PES1: variants seen among roughly 807,000 people sequenced by gnomAD.
The protein encoded by PES1 is pescadillo homolog.
A neutral mutation model predicts 77.1 loss-of-function variants in PES1; 31 were observed. That is an observed-to-expected ratio of 0.40 (90% CI 0.30 to 0.54). PES1 has a LOEUF of 0.54. Ranked by LOEUF, PES1 falls within the 20% of genes least tolerant of loss-of-function variation. The pLI, the probability that PES1 is intolerant of heterozygous loss-of-function variation, is 0.45. For synonymous variants in PES1, 282 were observed against 303.0 expected (o/e 0.93, Z 0.72); for missense variants, 658 against 771.7 (o/e 0.85, Z 1.75).
Position 30,579,914 on chromosome 22 carries a change from C to G in PES1, c.1191G>C (p.Trp397Cys), listed in dbSNP as rs1267668640. Residue 397 changes from tryptophan to cysteine, a missense_variant, in exon 12 of 15, where the codon TGG (tryptophan) becomes TGC (cysteine). Transcript: ENST00000354694. Reference protein sequence around the residue: ...VIGRCYVQPQWVFDSVNARLL... With the variant: ...VIGRCYVQPQCVFDSVNARLL... ...GCCTGGCGTTCACTGAGTCAAACAC[C>G]CACTGGGGCTGCACGTAGCACCTGG... 1 of 1,613,970 alleles carries G rather than the reference C, an allele frequency of 6.2e-7. No individual in the cohort carries two copies. The highest frequency in any genetic ancestry group is 2.2e-5 in the East Asian group (1 of 44,888).
intron 2 of PES1, among the ~76,000 whole-genome samples, chr22:30,597,552 A>G (rs370938876): frequency 7.1e-6 from 1 of 141,648 alleles, no homozygotes; most frequent in Non-Finnish European, 1.5e-5. Flanking sequence ...ACACCAATCG[A>G]CACTCTATAT....
intron 4 of PES1, among the ~76,000 whole-genome samples, chr22:30,585,531 C>A (rs1457479807): frequency 6.6e-6 from 1 of 152,112 alleles, no homozygotes; most frequent in Non-Finnish European, 1.5e-5. Flanking sequence ...ACAGACAGAG[C>A]TTCAAGCCTC....
upstream of PES1, among the ~76,000 whole-genome samples, chr22:30,594,757 C>T (rs112032147): frequency 0.03 from 4,605 of 151,834 alleles, 111 homozygotes; most frequent in Non-Finnish European, 0.052. Flanking sequence ...TCACTTGAGC[C>T]CAGGAGTTTG....
chr22:30,597,977 G>A (rs893255229), intron 2 of PES1, among the ~76,000 whole-genome samples: 7 of 148,524 alleles, frequency 4.7e-5, no homozygotes, highest in East Asian at 2.0e-4. Flanking sequence ...TCCGCTTCCC[G>A]GGTTCACGCC....
intron 6 of PES1, among the ~76,000 whole-genome samples, chr22:30,582,588 G>A (rs1398550177): frequency 6.6e-6 from 1 of 152,140 alleles, no homozygotes; most frequent in Non-Finnish European, 1.5e-5. Context: ...CAGCCCATTT[G>A]GCCCCCAGGA....
At chr22:30,587,183 T>C (rs1233373299) in intron 4 of PES1, 103 bp downstream of exon 4, 2 of 839,646 alleles carry the variant, frequency 2.4e-6, no homozygotes, top group Non-Finnish European at 3.9e-6. Flanking sequence ...TGCAAGCTCT[T>C]TGAGCAGGGT....
rs767438127 is a variant in PES1 at position 30,581,640 on chromosome 22, G to C, written c.635C>G (p.Pro212Arg). The C allele has an allele frequency of 5.0e-6, 8 of 1,608,206 alleles. No individual in the cohort carries two copies. The highest frequency in any genetic ancestry group is 2.2e-5 in the East Asian group (1 of 44,828). ...CATGACCCTGTAGTCCACGTCTGTC[G>C]GGTGCTGGGGAACACAAGAGATGCA... is the stretch of plus-strand genomic sequence containing the variant. ...ITPYAFSHDH[P>R]TDVDYRVMAT... Residue 212 changes from proline (P) to arginine (R), a missense_variant, in exon 7 of 15, where the codon CCG becomes CGG. Physicochemically the swap from Pro to Arg is moderately radical, Grantham distance 103. Transcript: ENST00000354694.
chr22:30,581,308 C>T (rs772204652), intron 8 of PES1, 26 bp downstream of exon 8: 53 of 1,609,166 alleles, frequency 3.3e-5, no homozygotes, highest in Non-Finnish European at 4.4e-5. Flanking sequence ...TGGGAGATGC[C>T]GGATGATGCT....
chr22:30,577,499 A>G (rs1008817681), intron 14 of PES1, among the ~76,000 whole-genome samples: 8 of 152,172 alleles, frequency 5.3e-5, no homozygotes, highest in Non-Finnish European at 8.8e-5. Flanking sequence ...ATCTGACAAT[A>G]TATTTTTAAT....
upstream of PES1, among the ~76,000 whole-genome samples, chr22:30,594,404 C>A (rs1339311431): frequency 1.3e-5 from 2 of 151,938 alleles, no homozygotes; most frequent in Non-Finnish European, 2.9e-5. Context: ...CCTGTAATCC[C>A]AGCTACCAGC....
rs2087281910 is a variant in PES1, at chr22:30,597,872, T to G, written c.-660-5474A>C. Among the ~76,000 whole-genome samples, 5 of 143,942 alleles carry G rather than the reference T, an allele frequency of 3.5e-5. No homozygotes were observed. In the South Asian group the frequency reaches 8.6e-4, roughly 25 times the overall value. The allele number at this position is 143,942 out of a possible 152,430, so 94.4% of individuals were successfully genotyped here. Reference sequence around the variant, plus strand: ...CTCGCTCGGTTTTTTTTCCACGCAGTTGAAGTTTTGTTTTTTTTTTTTTTG... The same window carrying G: ...CTCGCTCGGTTTTTTTTCCACGCAGGTGAAGTTTTGTTTTTTTTTTTTTTG... On this transcript the variant is annotated intron_variant, in intron 2 of 16. Transcript: ENST00000402281.
chr22:30,597,893 TTTTG>T lies in PES1; in HGVS notation c.-660-5499_-660-5496del, dbSNP rs1569031114. On this transcript the variant is annotated intron_variant, in intron 2 of 16. Coordinates refer to the PES1 transcript ENST00000402281. ...GCAGTTGAAGTTTTGTTTTTTTTTT[TTTTG>T]TTTTGAGTCGGAGTCTCACTCTGTC... is the stretch of plus-strand genomic sequence containing the variant. 1.1e-4 allele frequency among the ~76,000 whole-genome samples: 16 copies of T among 145,416 alleles called. 3 individuals carry two copies. Among genetic ancestry groups the T allele is most frequent in the Admixed American group, 2.7e-4 (4 of 14,638 alleles).
At position 30,579,262 on chromosome 22, in the gene PES1, T is replaced by C. The variant is rs2086946177; in HGVS notation, c.1396A>G (p.Asn466Asp). ...ESEEEEEEDD[N>D]NEGDGDEEGE... ...TCTTCATCACCATCACCTTCGTTGT[T>C]GTCGTCCTCTTCCTCCTCCTCTTCT... is the stretch of plus-strand genomic sequence containing the variant. The change falls in exon 13 of 15, where the codon AAC becomes GAC. Residue 466 changes from asparagine (N) to aspartate (D), a missense_variant. By Grantham distance (23) the Asn-to-Asp change is conservative. Coordinates refer to ENST00000354694, the MANE Select transcript of PES1 (RefSeq NM_014303.4). 6.2e-7 allele frequency: 1 copy of C among 1,602,346 alleles called. No individual in the cohort carries two copies. Among genetic ancestry groups the C allele is most frequent in the Non-Finnish European group, 8.5e-7 (1 of 1,179,480 alleles).
At chr22:30,581,720 T>C in intron 6 of PES1, 76 bp from the exon 7 acceptor site, 1 of 1,033,286 alleles carries the variant, frequency 9.7e-7, no homozygotes, top group South Asian at 1.3e-5. Context: ...ACCCACAGAG[T>C]GGAGGGTGTC....
chr22:30,592,361 G>A (rs955135133), upstream of PES1: 13 of 988,810 alleles, frequency 1.3e-5, no homozygotes, highest in African/African-American at 2.1e-4. Context: ...AGTTCCCACC[G>A]GCTTCGGGTT....
chr22:30,600,378 T>C (rs1399656148), intron 2 of PES1, among the ~76,000 whole-genome samples: 10 of 152,276 alleles, frequency 6.6e-5, no homozygotes, highest in African/African-American at 2.4e-4. Flanking sequence ...AACAGTCTTA[T>C]ATAACATAGA....
chr22:30,599,372 C>G (rs13053196), intron 2 of PES1, among the ~76,000 whole-genome samples: 15,437 of 152,054 alleles, frequency 0.1, 1,005 homozygotes, highest in Non-Finnish European at 0.15. Context: ...GATTGTAAAA[C>G]TATAAACCCA....
At chr22:30,591,641 A>G (rs2087177475) in intron 1 of PES1, among the ~76,000 whole-genome samples, 169 bp downstream of exon 1, 1 of 152,142 alleles carries the variant, frequency 6.6e-6, no homozygotes, top group African/African-American at 2.4e-5. Context: ...TCACTAAACG[A>G]ATACTGCCAT....
chr22:30,589,513 G>A (rs150557760), intron 1 of PES1, among the ~76,000 whole-genome samples: 75 of 152,314 alleles, frequency 4.9e-4, no homozygotes, highest in South Asian at 1.0e-3. Flanking sequence ...AGGCTGCTAC[G>A]GATAGGGTGC....
Sources: gnomAD v4.1 joint callset for allele counts (sites outside exome capture counted in the v4.1 genomes callset) on GRCh38, gnomAD v4.1.1 for gene constraint, MANE v1.5 for transcripts, NCBI Gene and HGNC (gene_info 2026-07-23, HGNC 2026-07-21) for gene names.